The following TGFBRAP1 variants were observed in gnomAD, a reference collection of about 807,000 sequenced individuals.
The protein encoded by TGFBRAP1 is transforming growth factor beta receptor associated protein 1, also known as transforming growth factor-beta receptor-associated protein 1.
In TGFBRAP1, 20 loss-of-function variants were observed where a neutral mutation model predicts 83.2. The observed-to-expected ratio is 0.24, with a 90% CI of 0.17 to 0.35. The LOEUF is 0.35. Ranked by LOEUF, TGFBRAP1 falls within the 10% of genes least tolerant of loss-of-function variation. The pLI, the probability that TGFBRAP1 is intolerant of heterozygous loss-of-function variation, is 1.00. For missense variants in TGFBRAP1, 950 were observed against 1,099.4 expected (o/e 0.86, Z 1.92); for synonymous variants, 415 against 459.8 (o/e 0.90, Z 1.25).
chr2:105,305,337 A>G (rs1678459590), intron 2 of TGFBRAP1, among the ~76,000 whole-genome samples: 1 of 152,244 alleles, frequency 6.6e-6, no homozygotes, highest in Non-Finnish European at 1.5e-5. Flanking sequence ...CAAGGATAAA[A>G]AATACCAGTG....
chr2:105,308,992 A>C (rs1678611561), intron 1 of TGFBRAP1, among the ~76,000 whole-genome samples: 1 of 152,144 alleles, frequency 6.6e-6, no homozygotes, highest in Non-Finnish European at 1.5e-5. Flanking sequence ...TCATGTGGAG[A>C]GTAAAGGTGT....
intron 4 of TGFBRAP1, 121 bp from the exon 5 acceptor site, chr2:105,284,519 G>A: frequency 1.2e-6 from 1 of 837,620 alleles, no homozygotes; most frequent in Admixed American, 2.4e-5. Context: ...ACAAGCTGAG[G>A]AAAAAACAAG....
chr2:105,293,470 C>A (rs1048629664), intron 4 of TGFBRAP1, among the ~76,000 whole-genome samples: 1 of 152,128 alleles, frequency 6.6e-6, no homozygotes, highest in Admixed American at 6.5e-5. Context: ...CTCAGAGAAG[C>A]GAAACCAGCC....
chr2:105,296,386 G>A lies in TGFBRAP1; in HGVS notation c.1008C>T (p.Ala336=), dbSNP rs199581714. The A allele has an allele frequency of 1.5e-5, 25 of 1,613,686 alleles. No individual in the cohort carries two copies. Among genetic ancestry groups the A allele is most frequent in the African/African-American group, 1.1e-4 (8 of 74,940 alleles). Residue 336 remains alanine (A), a synonymous_variant, in exon 4 of 12, where the codon GCC becomes GCT. Transcript: ENST00000393359. ...VEEALVLAKG[A]RRNIPKEKFQ... ...ATTTTTCCTTTGGAATGTTCCTCCG[G>A]GCTCCTTTTGCTAAAACCAAAGCCT...
intron 1 of TGFBRAP1, among the ~76,000 whole-genome samples, chr2:105,316,475 G>GCGCGCGCA (rs1678877437): frequency 1.3e-5 from 1 of 77,548 alleles, no homozygotes; most frequent in Non-Finnish European, 3.0e-5. Context: ...GCGCGCGCGC[G>GCGCGCGCA]CGCGCACGCG....
intron 6 of TGFBRAP1, among the ~76,000 whole-genome samples, chr2:105,278,264 G>A (rs1677418057): frequency 6.6e-6 from 1 of 152,156 alleles, no homozygotes; most frequent in African/African-American, 2.4e-5. Flanking sequence ...AATCACAGCT[G>A]GAGTTGCTTT....
chr2:105,314,132 G>T (rs1244934423), intron 1 of TGFBRAP1, among the ~76,000 whole-genome samples: 1 of 152,066 alleles, frequency 6.6e-6, no homozygotes, highest in East Asian at 1.9e-4. Context: ...AAAGAGGAAG[G>T]AGATCTATAA....
rs941344849 is a variant in TGFBRAP1 at position 105,292,507 on chromosome 2, A to T, written c.1038+3849T>A. Among the ~76,000 whole-genome samples the T allele has an allele frequency of 2.6e-5, 4 of 152,306 alleles. 1 individual carries two copies. In the South Asian group the frequency reaches 6.2e-4, roughly 24 times the overall value. On this transcript the variant is annotated intron_variant, in intron 4 of 11. Coordinates refer to ENST00000393359, the MANE Select transcript of TGFBRAP1 (RefSeq NM_004257.6). ...ATAAAGGAATTTTATAAGATGAATAATATCAAGGTAATCATTAAAACAAAA... is the reference window on the plus strand; with the variant it reads ...ATAAAGGAATTTTATAAGATGAATATTATCAAGGTAATCATTAAAACAAAA...
rs1476542336 is a variant in TGFBRAP1, at chr2:105,264,898, G to A, written c.*2485C>T. ...GGAAAAAGGTCTGATGGATCTAATT[G>A]CTCTATTCGATGGCACAGTTACAAA... On this transcript the variant is annotated 3_prime_UTR_variant, in exon 12 of 12. Coordinates refer to ENST00000393359, the MANE Select transcript of TGFBRAP1 (RefSeq NM_004257.6). The A allele has an allele frequency of 6.6e-6, 1 of 152,244 alleles. No individual in the cohort carries two copies. Among genetic ancestry groups the A allele is most frequent in the African/African-American group, 2.4e-5 (1 of 41,468 alleles). 9.4% of individuals were successfully genotyped at this position (152,244 alleles called of 1,614,324 possible).
At chr2:105,284,449 G>A in intron 4 of TGFBRAP1, 51 bp from the exon 5 acceptor site, 2 of 1,559,254 alleles carry the variant, frequency 1.3e-6, no homozygotes, top group Non-Finnish European at 1.8e-6. Flanking sequence ...AACCATCACG[G>A]CAGGGTTAAA....
At position 105,280,388 on chromosome 2, in the gene TGFBRAP1, T is replaced by C; in HGVS notation, c.1457A>G (p.His486Arg). ...TCAGGAAGGGAACACTCACTTTTTG[T>C]GCTTCTCTAGCCAGGCAGCACTGTC... Reference protein sequence around the residue: ...LTDSAAWLEKHKKYFALGLLY... With the variant: ...LTDSAAWLEKRKKYFALGLLY... Residue 486 changes from histidine (H) to arginine (R), a missense_variant, in exon 6 of 12, where the codon CAC becomes CGC. His to Arg is a conservative substitution (Grantham distance 29). Transcript: ENST00000393359. 6.2e-7 allele frequency: 1 copy of C among 1,612,830 alleles called. No individual in the cohort carries two copies.
chr2:105,250,619 C>CCCTCTCCCT, the TGFBRAP1 span, among the ~76,000 whole-genome samples: 4 of 145,454 alleles, frequency 2.8e-5, no homozygotes, highest in Non-Finnish European at 6.1e-5. Flanking sequence ...TCCCTCCTCT[C>CCCTCTCCCT]CCTCTCCCTC....
In TGFBRAP1 at chr2:105,278,517, C is replaced by G. The variant is rs115870014; in HGVS notation, c.1464-846G>C. On this transcript the variant is annotated intron_variant, in intron 6 of 11. Coordinates refer to ENST00000393359, the MANE Select transcript of TGFBRAP1 (RefSeq NM_004257.6). ...TCAAGAACCTGGGTTTCAAGTCCAG[C>G]TTCATTATTTATAACCCGCGTGACC... 2.4e-3 allele frequency among the ~76,000 whole-genome samples: 368 copies of G among 152,194 alleles called. 3 individuals carry two copies. The highest frequency in any genetic ancestry group is 8.2e-3 in the African/African-American group (342 of 41,526).
chr2:105,316,440 T>TGC (rs1678859651), intron 1 of TGFBRAP1, among the ~76,000 whole-genome samples: 1 of 73,682 alleles, frequency 1.4e-5, no homozygotes, highest in Admixed American at 1.6e-4. Flanking sequence ...TGTGTGTGTG[T>TGC]GTGTGTGTGT....
At chr2:105,277,329 T>C (rs1404296270) in intron 7 of TGFBRAP1, among the ~76,000 whole-genome samples, 2 of 152,108 alleles carry the variant, frequency 1.3e-5, no homozygotes, top group African/African-American at 4.8e-5. Flanking sequence ...TAGTGATATA[T>C]TATGACTTGG....
At chr2:105,311,971 T>A (rs1212236068) in intron 1 of TGFBRAP1, among the ~76,000 whole-genome samples, 2 of 152,142 alleles carry the variant, frequency 1.3e-5, no homozygotes, top group Non-Finnish European at 2.9e-5. Flanking sequence ...CTCTCCATGA[T>A]CTAATTCACA....
At chr2:105,281,435 C>T (rs1001374838) in intron 5 of TGFBRAP1, among the ~76,000 whole-genome samples, 1 of 152,142 alleles carries the variant, frequency 6.6e-6, no homozygotes, top group Non-Finnish European at 1.5e-5. Context: ...GCCACCCCAC[C>T]CCAGACACAT....
the TGFBRAP1 span, among the ~76,000 whole-genome samples, chr2:105,254,876 T>C: frequency 8.7e-3 from 1,322 of 152,194 alleles, 15 homozygotes; most frequent in African/African-American, 0.023. Context: ...CTCTCTGCCA[T>C]GTGAGGACGC....
intron 1 of TGFBRAP1, among the ~76,000 whole-genome samples, chr2:105,319,911 C>T (rs192628988): frequency 6.6e-6 from 1 of 150,856 alleles, no homozygotes; most frequent in Admixed American, 6.6e-5. Flanking sequence ...TTGTTATATA[C>T]ATACATACAT....
Sources: allele counts gnomAD v4.1 joint callset (sites outside exome capture counted in the v4.1 genomes callset), GRCh38; gene constraint gnomAD v4.1.1; transcripts MANE v1.5; gene names NCBI Gene and HGNC (gene_info 2026-07-23, HGNC 2026-07-21).